KCNC2: variants seen among roughly 807,000 people sequenced by gnomAD.
KCNC2 encodes voltage-gated potassium channel KCNC2.
KCNC2 carries 21 observed loss-of-function variants against 44.5 expected under a neutral mutation model. That is an observed-to-expected ratio of 0.47 (90% CI 0.33 to 0.68). The LOEUF is 0.68. Ranked by LOEUF, KCNC2 falls within the 30% of genes least tolerant of loss-of-function variation. The probability of loss-of-function intolerance (pLI) is 0.01; values close to 1 mark genes in which losing one functional copy is unlikely to be tolerated. For missense variants in KCNC2, 589 were observed against 826.2 expected (o/e 0.71, Z 3.52); for synonymous variants, 391 against 339.1 (o/e 1.15, Z -1.68).
chr12:75,204,692 G>C (rs1047959741), intron 2 of KCNC2, among the ~76,000 whole-genome samples: 2 of 152,044 alleles, frequency 1.3e-5, no homozygotes, highest in Admixed American at 1.3e-4. Context: ...ATTTCAACTT[G>C]TGGCCTCCAC....
In KCNC2 at chr12:75,174,300, G is replaced by A. The variant is rs528241994; in HGVS notation, c.687+32997C>T. 2.5e-4 allele frequency among the ~76,000 whole-genome samples: 38 copies of A among 151,184 alleles called. 1 individual carries two copies. The South Asian group carries it at 5.0e-3, about 20-fold the overall frequency. On this transcript the variant is annotated intron_variant, in intron 2 of 4. Coordinates refer to ENST00000549446, the MANE Select transcript of KCNC2 (RefSeq NM_139137.4). ...TCTGGATCATTAATTAAACTTGATC[G>A]GAATTATTGAATTTACTAAATATGT... is the stretch of plus-strand genomic sequence containing the variant.
chr12:75,187,864 G>A (rs368875598), intron 2 of KCNC2, among the ~76,000 whole-genome samples: 40 of 152,236 alleles, frequency 2.6e-4, no homozygotes, highest in Middle Eastern at 3.4e-3. Context: ...CACATAAGTA[G>A]TTACTGAGTT....
intron 2 of KCNC2, among the ~76,000 whole-genome samples, chr12:75,186,048 AAAATAAATAAATAAATAAAT>A (rs371301482): frequency 0.081 from 11,557 of 142,970 alleles, 548 homozygotes; most frequent in Admixed American, 0.14. Context: ...CTCTGTCTCA[AAAATAAATAAATAAATAAAT>A]AAATAAATAA....
At chr12:75,161,677 A>G (rs1891134852) in intron 2 of KCNC2, among the ~76,000 whole-genome samples, 1 of 151,740 alleles carries the variant, frequency 6.6e-6, no homozygotes, top group African/African-American at 2.4e-5. Flanking sequence ...GCCACTGCCC[A>G]TTTATAGAAA....
In KCNC2 at chr12:75,193,299, G is replaced by A. The variant is rs563175158; in HGVS notation, c.687+13998C>T. ...AGAATACTGAGATATAAAGCAAATA[G>A]GATGAAAATAATGAATACATAGGTT... On this transcript the variant is annotated intron_variant, in intron 2 of 4. Coordinates refer to ENST00000549446, the MANE Select transcript of KCNC2 (RefSeq NM_139137.4). 3.9e-5 allele frequency among the ~76,000 whole-genome samples: 6 copies of A among 152,236 alleles called. No individual in the cohort carries two copies. The South Asian group carries it at 1.2e-3, about 32-fold the overall frequency.
In KCNC2 at chr12:75,043,065, T is replaced by TA; in HGVS notation, c.*39dup. On this transcript the variant is annotated 3_prime_UTR_variant, in exon 5 of 5. Transcript: ENST00000549446. ...ATTATGGGGTAAACAGCACTTGAATTAATACAATTTAGCCGACTGATGCAG... is the reference window on the plus strand; with the variant it reads ...ATTATGGGGTAAACAGCACTTGAATTAAATACAATTTAGCCGACTGATGCAG... 6.2e-7 allele frequency: 1 copy of TA among 1,608,204 alleles called. No individual in the cohort carries two copies. The highest frequency in any genetic ancestry group is 8.5e-7 in the Non-Finnish European group (1 of 1,177,016).
chr12:75,061,318 G>C (rs1364059694), intron 2 of KCNC2, among the ~76,000 whole-genome samples: 2 of 152,022 alleles, frequency 1.3e-5, no homozygotes. Flanking sequence ...AGACAAATTA[G>C]AAAATAGATT....
chr12:75,166,457 AG>A (rs1435868807), intron 2 of KCNC2, among the ~76,000 whole-genome samples: 1 of 150,944 alleles, frequency 6.6e-6, no homozygotes, highest in Non-Finnish European at 1.5e-5. Context: ...AAAAAAAAAA[AG>A]TTAGACCTAA....
chr12:75,128,954 A>G (rs1451413456), intron 2 of KCNC2, among the ~76,000 whole-genome samples: 2 of 152,256 alleles, frequency 1.3e-5, no homozygotes. Context: ...GTCACCAAAT[A>G]GGAACATATT....
chr12:75,101,990 G>C (rs144343673), intron 2 of KCNC2, among the ~76,000 whole-genome samples: 3 of 152,064 alleles, frequency 2.0e-5, no homozygotes, highest in Non-Finnish European at 4.4e-5. Context: ...AGTATGTCTC[G>C]GCGGACTGCC....
chr12:75,046,396 A>C (rs1421877006), intron 4 of KCNC2, among the ~76,000 whole-genome samples: 1 of 151,810 alleles, frequency 6.6e-6, no homozygotes, highest in Non-Finnish European at 1.5e-5. Context: ...TTTCTTTGAC[A>C]GTTTAAAACT....
chr12:75,187,794 A>G (rs1189280065), intron 2 of KCNC2, among the ~76,000 whole-genome samples: 2 of 152,242 alleles, frequency 1.3e-5, no homozygotes, highest in Non-Finnish European at 2.9e-5. Context: ...TTGCCAGAAG[A>G]ATGCATATAC....
chr12:75,200,109 T>C (rs900005213), intron 2 of KCNC2, among the ~76,000 whole-genome samples: 6 of 151,906 alleles, frequency 3.9e-5, no homozygotes, highest in African/African-American at 1.4e-4. Flanking sequence ...TCTGATATTG[T>C]TGAACAATAA....
At chr12:75,118,153 T>C (rs1349423901) in intron 2 of KCNC2, among the ~76,000 whole-genome samples, 1 of 152,252 alleles carries the variant, frequency 6.6e-6, no homozygotes, top group Middle Eastern at 3.4e-3. Flanking sequence ...CAATCTCATT[T>C]AGACAAATCA....
intron 2 of KCNC2, among the ~76,000 whole-genome samples, chr12:75,081,169 A>G (rs983244238): frequency 1.3e-5 from 2 of 152,098 alleles, no homozygotes; most frequent in African/African-American, 4.8e-5. Context: ...TTTTTTCCCA[A>G]TAACCTTTCA....
chr12:75,166,719 C>T (rs1891479394), intron 2 of KCNC2, among the ~76,000 whole-genome samples: 1 of 150,716 alleles, frequency 6.6e-6, no homozygotes, highest in Non-Finnish European at 1.5e-5. Flanking sequence ...ACCAATGGAT[C>T]AAAAAAGATG....
At chr12:75,160,838 G>T (rs931505234) in intron 2 of KCNC2, among the ~76,000 whole-genome samples, 3 of 151,644 alleles carry the variant, frequency 2.0e-5, no homozygotes, top group Non-Finnish European at 3.0e-5. Flanking sequence ...TAATATGTAT[G>T]GTAGTTCATA....
At chr12:75,133,913 A>T (rs1465249906) in intron 2 of KCNC2, among the ~76,000 whole-genome samples, 1 of 146,682 alleles carries the variant, frequency 6.8e-6, no homozygotes, top group East Asian at 2.0e-4. Flanking sequence ...GTTAATAAAG[A>T]TACACGAAAA....
intron 2 of KCNC2, among the ~76,000 whole-genome samples, chr12:75,138,215 T>C (rs997213028): frequency 6.6e-6 from 1 of 152,180 alleles, no homozygotes; most frequent in African/African-American, 2.4e-5. Context: ...CTTTTGCCAA[T>C]GGGAAAAAAA....
Sources: allele counts gnomAD v4.1 joint callset (sites outside exome capture counted in the v4.1 genomes callset), GRCh38; gene constraint gnomAD v4.1.1; transcripts MANE v1.5; gene names NCBI Gene and HGNC (gene_info 2026-07-23, HGNC 2026-07-21).